Variants in AKAP17A observed in about 807,000 individuals in gnomAD.
AKAP17A encodes A-kinase anchoring protein 17A.
Under a neutral mutation model 52.2 loss-of-function variants are expected in AKAP17A, and 15 were observed. That is an observed-to-expected ratio of 0.29 (90% CI 0.19 to 0.44). The LOEUF is 0.44. AKAP17A is among the 20% of genes least tolerant of loss of function. The probability of loss-of-function intolerance (pLI) is 1.00; values close to 1 mark genes in which losing one functional copy is unlikely to be tolerated. For synonymous variants in AKAP17A, 514 were observed against 424.7 expected (o/e 1.21, Z -2.58); for missense variants, 1,060 against 1,007.0 (o/e 1.05, Z -0.71).
At position 1,599,111 on chromosome X, in the gene AKAP17A, G is replaced by A. The variant is rs373563815; in HGVS notation, c.912-81G>A. On this transcript the variant is annotated intron_variant, in intron 3 of 4. Transcript: ENST00000313871. The stretch of plus-strand genomic sequence containing the variant: ...TCGTTGGACCGTGGCCTGTTCCGCC[G>A]TGTTTGGAAAGCCGCTTGTATGGTG... 6.6e-5 allele frequency: 103 copies of A among 1,559,574 alleles called. 1 individual carries two copies. The highest frequency in any genetic ancestry group is 4.1e-4 in the East Asian group (18 of 44,434).
At chrX:1,597,807 C>T (rs1256899584) in intron 3 of AKAP17A, among the ~76,000 whole-genome samples, 1 of 151,986 alleles carries the variant, frequency 6.6e-6, no homozygotes, top group African/African-American at 2.4e-5. Flanking sequence ...CCTGGCCAGA[C>T]CACAGAGGGA....
At position 1,596,891 on chromosome X, in the gene AKAP17A, C is replaced by CATCCCTCCCACCCTCCTA. The variant is rs1453299686; in HGVS notation, c.911+1359_911+1360insATCCCTCCCACCCTCCTA. 7.8e-3 allele frequency among the ~76,000 whole-genome samples: 1,108 copies of CATCCCTCCCACCCTCCTA among 141,948 alleles called. 41 individuals carry two copies. The highest frequency in any genetic ancestry group is 0.011 in the Admixed American group (162 of 14,162). 93.1% of individuals were successfully genotyped at this position (141,948 alleles called of 152,430 possible). A position where few individuals can be genotyped will look rare whatever the true frequency, so the allele number is the denominator to read the frequency against. ...AGGTGGATTCCTCCTCCTCCTTCTC[C>CATCCCTCCCACCCTCCTA]GTCCCTCCCACCCTCCTAGTGAGGC... On this transcript the variant is annotated intron_variant, in intron 3 of 4. Transcript: ENST00000313871.
chrX:1,597,453 C>G (rs1449171780), intron 3 of AKAP17A, among the ~76,000 whole-genome samples: 1 of 152,122 alleles, frequency 6.6e-6, no homozygotes, highest in Non-Finnish European at 1.5e-5. Context: ...GGGAGGCGGT[C>G]CCTGGGAGGG....
At chrX:1,592,828 A>G (rs1483732827) in intron 1 of AKAP17A, among the ~76,000 whole-genome samples, 2 of 152,140 alleles carry the variant, frequency 1.3e-5, no homozygotes, top group Admixed American at 1.3e-4. Context: ...TCCGGCCCCT[A>G]ACTTGTGGAA....
intron 3 of AKAP17A, among the ~76,000 whole-genome samples, chrX:1,595,780 C>T (rs1569350111): frequency 6.6e-6 from 1 of 150,848 alleles, no homozygotes; most frequent in Non-Finnish European, 1.5e-5. Flanking sequence ...TGTGTGCGTG[C>T]ATGTGTGTGA....
Position 1,601,405 on chromosome X carries a change from C to T in AKAP17A, c.1899C>T (p.Ser633=), listed in dbSNP as rs144589542. 20 of 1,562,378 alleles carry T rather than the reference C, an allele frequency of 1.3e-5. No individual in the cohort carries two copies. The highest frequency in any genetic ancestry group is 1.1e-4 in the Admixed American group (6 of 54,368). ...AGAAGCACGCCTACAAGGATGACAG[C>T]CCCCGCCGGCGCAGCACGAGCCCGG... ...PHKKHAYKDD[S]PRRRSTSPDH... The change falls in exon 5 of 5, where the codon AGC becomes AGT. Residue 633 remains serine, a synonymous_variant. Transcript: ENST00000313871.
intron 4 of AKAP17A, chrX:1,599,858 G>A (rs1933257524): frequency 6.8e-6 from 4 of 590,444 alleles, no homozygotes; most frequent in Admixed American, 3.0e-5. Flanking sequence ...GGGGAGGGCT[G>A]AGCGCACAGA....
At chrX:1,592,558 G>C (rs1603459976) in intron 1 of AKAP17A, among the ~76,000 whole-genome samples, 1 of 152,022 alleles carries the variant, frequency 6.6e-6, no homozygotes, top group South Asian at 2.1e-4. Flanking sequence ...TTTTCTGGTC[G>C]CTTCTCCACC....
In AKAP17A at chrX:1,600,952, C is replaced by T. The variant is rs1216457060; in HGVS notation, c.1446C>T (p.Thr482=). The T allele has an allele frequency of 1.9e-6, 3 of 1,585,110 alleles. No homozygotes were observed. The highest frequency in any genetic ancestry group is 2.3e-5 in the East Asian group (1 of 43,408). The part of the protein sequence containing the change: ...QTVSSGCVSA[T]TLHPLGGQPP... ...TGTCGTCCGGCTGTGTGAGCGCCACCACGCTGCACCCCCTCGGGGGCCAGC... is the reference window on the plus strand; with the variant it reads ...TGTCGTCCGGCTGTGTGAGCGCCACTACGCTGCACCCCCTCGGGGGCCAGC... The change falls in exon 5 of 5, where the codon ACC becomes ACT. Residue 482 remains threonine, a synonymous_variant. Coordinates refer to ENST00000313871, the MANE Select transcript of AKAP17A (RefSeq NM_005088.3).
In AKAP17A at chrX:1,596,125, C is replaced by T. The variant is rs763568160; in HGVS notation, c.911+593C>T. 2.6e-5 allele frequency among the ~76,000 whole-genome samples: 4 copies of T among 152,022 alleles called. No homozygotes were observed. In the East Asian group the frequency reaches 5.8e-4, roughly 22 times the overall value. On this transcript the variant is annotated intron_variant, in intron 3 of 4. Transcript: ENST00000313871. ...TCCCTCCACATGCTGTTCACACCTC[C>T]CGCTGAAACAAGCAGAATGCCTTGG...
intron 4 of AKAP17A, 60 bp downstream of exon 4, chrX:1,599,492 C>G: frequency 6.4e-7 from 1 of 1,550,484 alleles, no homozygotes; most frequent in Middle Eastern, 1.8e-4. Context: ...AGTGCCCTCC[C>G]CTGAAATGCG....
At position 1,600,706 on chromosome X, in the gene AKAP17A, C is replaced by G. The variant is rs146590963; in HGVS notation, c.1200C>G (p.Leu400=). The change falls in exon 5 of 5, where the codon CTC becomes CTG. Residue 400 remains leucine (L), a synonymous_variant. Transcript: ENST00000313871. ...AGCAGAAGGAGGAGAAGCTGAGGCT[C>G]CAGCAGCAGGAGGAGCGGCGGCGGC... ...EQEQKEEKLR[L]QQQEERRRLQ... The G allele has an allele frequency of 3.7e-5, 58 of 1,546,766 alleles. No individual in the cohort carries two copies. Among genetic ancestry groups the G allele is most frequent in the Non-Finnish European group, 4.4e-5 (51 of 1,147,026 alleles).
chrX:1,599,106 C>T (rs1455095452), intron 3 of AKAP17A, 86 bp from the exon 4 acceptor site: 6 of 1,551,400 alleles, frequency 3.9e-6, no homozygotes, highest in Non-Finnish European at 5.2e-6. Flanking sequence ...GTGGCCTGTT[C>T]CGCCGTGTTT....
chrX:1,600,247 G>GC (rs1933280739), intron 4 of AKAP17A: 1 of 1,275,200 alleles, frequency 7.8e-7, no homozygotes, highest in Admixed American at 2.3e-5. Flanking sequence ...GGCCAGGCTC[G>GC]CCCCGCAGCT....
rs763232937 is a variant in AKAP17A, at chrX:1,592,197, C to T, written c.-20+428C>T. ...TGTCCGGGGTTTTCGGAGGCTGGGGCGGTGCTGTGTAGGTTGGGGTATTGG... is the reference window on the plus strand; with the variant it reads ...TGTCCGGGGTTTTCGGAGGCTGGGGTGGTGCTGTGTAGGTTGGGGTATTGG... On this transcript the variant is annotated intron_variant, in intron 1 of 4. Coordinates refer to ENST00000313871, the MANE Select transcript of AKAP17A (RefSeq NM_005088.3). 1.7e-4 allele frequency among the ~76,000 whole-genome samples: 25 copies of T among 148,398 alleles called. No individual in the cohort carries two copies. The South Asian group carries it at 4.3e-3, about 26-fold the overall frequency.
intron 3 of AKAP17A, among the ~76,000 whole-genome samples, chrX:1,598,265 C>A (rs1397507953): frequency 2.0e-5 from 3 of 152,170 alleles, no homozygotes; most frequent in African/African-American, 7.2e-5. Flanking sequence ...GCCCGGAGAC[C>A]GTGTGGATCA....
chrX:1,601,715 A>AG lies in AKAP17A; in HGVS notation c.*121_*122insG. The AG allele has an allele frequency of 2.1e-6, 2 of 961,064 alleles. No homozygotes were observed. The highest frequency in any genetic ancestry group is 3.5e-4 in the Middle Eastern group (1 of 2,826). 59.5% of individuals were successfully genotyped at this position (961,064 alleles called of 1,614,324 possible). On this transcript the variant is annotated 3_prime_UTR_variant, in exon 5 of 5. Coordinates refer to ENST00000313871, the MANE Select transcript of AKAP17A (RefSeq NM_005088.3). ...AAGCCAAGACCCTTCTGCAGCCACG[A>AG]ATGTCCACGGAGCCCGCCGGCAGGA...
At chrX:1,599,802 C>T in intron 4 of AKAP17A, 3 of 602,330 alleles carry the variant, frequency 5.0e-6, no homozygotes, top group Non-Finnish European at 8.9e-6. Flanking sequence ...GCTGGCCTGG[C>T]TGTGACCTCA....
Position 1,601,870 on chromosome X carries a change from A to G in AKAP17A, c.*276A>G, listed in dbSNP as rs1164118712. The G allele has an allele frequency of 2.1e-5, 8 of 381,208 alleles. No individual in the cohort carries two copies. The highest frequency in any genetic ancestry group is 6.6e-4 in the Middle Eastern group (1 of 1,518). The allele number at this position is 381,208 out of a possible 1,614,324, so 23.6% of individuals were successfully genotyped here. Reference sequence around the variant, plus strand: ...TAATGCGGCCGGTCCTCTCTCAGTCAGGAAAATTGCACAGACCGACAGTCG... The same window carrying G: ...TAATGCGGCCGGTCCTCTCTCAGTCGGGAAAATTGCACAGACCGACAGTCG... On this transcript the variant is annotated 3_prime_UTR_variant, in exon 5 of 5. Transcript: ENST00000313871.
Sources: gnomAD v4.1 joint callset for allele counts (sites outside exome capture counted in the v4.1 genomes callset) on GRCh38, gnomAD v4.1.1 for gene constraint, MANE v1.5 for transcripts, NCBI Gene and HGNC (gene_info 2026-07-23, HGNC 2026-07-21) for gene names.